The following MAGEA12 variants were observed in gnomAD, a reference collection of about 807,000 sequenced individuals.
MAGEA12 encodes the protein MAGE family member A12.
For synonymous variants in MAGEA12, 135 were observed against 104.7 expected (o/e 1.29, Z -1.77); for missense variants, 235 against 240.1 (o/e 0.98, Z 0.14).
At chrX:152,735,956 A>G in intron 2 of MAGEA12, 131 bp from the exon 3 acceptor site, 1 of 452,518 alleles carries the variant, frequency 2.2e-6, no homozygotes, top group African/African-American at 2.4e-5. Flanking sequence ...AATGCACACC[A>G]AGGGCCGCAC....
chrX:152,737,651 A>G lies in MAGEA12; in HGVS notation c.*545A>G, dbSNP rs1932360102. The G allele has an allele frequency of 5.1e-6, 1 of 197,394 alleles. No homozygotes were observed. The highest frequency in any genetic ancestry group is 2.0e-3 in the Middle Eastern group (1 of 503). 16.3% of individuals were successfully genotyped at this position (197,394 alleles called of 1,213,427 possible). ...TGGCTTCTTTGAGAATTTAAGAGAAATTAAATCTGAATAAATAATTCTTCC... is the reference window on the plus strand; with the variant it reads ...TGGCTTCTTTGAGAATTTAAGAGAAGTTAAATCTGAATAAATAATTCTTCC... On this transcript the variant is annotated 3_prime_UTR_variant, in exon 3 of 3. Coordinates refer to ENST00000393869, the MANE Select transcript of MAGEA12 (RefSeq NM_001166387.4).
At chrX:152,735,099 A>G (rs1556226644) in intron 1 of MAGEA12, 49 bp from the exon 2 acceptor site, 1 of 112,273 alleles carries the variant, frequency 8.9e-6, no homozygotes, top group African/African-American at 3.2e-5. Flanking sequence ...GCCCTGGACA[A>G]CCTACCTGGG....
Position 152,737,530 on chromosome X carries a change from T to G in MAGEA12, c.*424T>G. ...AGAATTAGCAGTAAAATACATGAGA[T>G]AAAGACCTCAAGAAGTTAAAAGATA... On this transcript the variant is annotated 3_prime_UTR_variant, in exon 3 of 3. Transcript: ENST00000393869. 4.1e-6 allele frequency: 1 copy of G among 246,016 alleles called. No individual in the cohort carries two copies. Among genetic ancestry groups the G allele is most frequent in the Non-Finnish European group, 7.9e-6 (1 of 126,685 alleles). The allele number at this position is 246,016 out of a possible 1,213,427, so 20.3% of individuals were successfully genotyped here. A position where few individuals can be genotyped will look rare whatever the true frequency, so the allele number is the denominator to read the frequency against.
At chrX:152,734,338 C>G (rs1377996027) in intron 1 of MAGEA12, among the ~76,000 whole-genome samples, 1 of 111,555 alleles carries the variant, frequency 9.0e-6, no homozygotes, top group Non-Finnish European at 1.9e-5. Flanking sequence ...CACGCGGATC[C>G]TGACGTTCAC....
intron 2 of MAGEA12, among the ~76,000 whole-genome samples, chrX:152,735,490 G>C (rs1193507497): frequency 3.4e-4 from 38 of 111,940 alleles, no homozygotes; most frequent in African/African-American, 1.2e-3. Flanking sequence ...TAGTGGTGAG[G>C]ACCAAGCAGG....
At position 152,736,797 on chromosome X, in the gene MAGEA12, G is replaced by A. The variant is rs782604973; in HGVS notation, c.636G>A (p.Glu212=). 2.5e-6 allele frequency: 3 copies of A among 1,211,960 alleles called. No homozygotes were observed. The East Asian group carries it at 8.9e-5, about 36-fold the overall frequency. Residue 212 remains glutamate, a synonymous_variant, in exon 3 of 3, where the codon GAG becomes GAA. Coordinates refer to ENST00000393869, the MANE Select transcript of MAGEA12 (RefSeq NM_001166387.4). ...TCGTCCTGGCCATAATCGCAAAAGA[G>A]GGCGACTGTGCCCCTGAGGAGAAAA... ...LIIVLAIIAK[E]GDCAPEEKIW... is the part of the protein sequence containing the mutation.
chrX:152,734,744 G>C (rs1414434246), intron 1 of MAGEA12, among the ~76,000 whole-genome samples: 1 of 112,138 alleles, frequency 8.9e-6, no homozygotes, highest in African/African-American at 3.2e-5. Context: ...TGGCACTTCA[G>C]GTCAGCAGAG....
At chrX:152,734,474 G>T (rs1327015096) in intron 1 of MAGEA12, among the ~76,000 whole-genome samples, 1 of 111,095 alleles carries the variant, frequency 9.0e-6, no homozygotes, top group African/African-American at 3.3e-5. Context: ...CAGGACAGGG[G>T]CCCAAAGTAC....
chrX:152,736,592 A>G lies in MAGEA12; in HGVS notation c.431A>G (p.Gln144Arg), dbSNP rs782423197. ...EMLGSVIRNF[Q>R]DFFPVIFSKA... ...CTGGGGAGTGTCATCAGAAATTTCC[A>G]GGACTTCTTTCCTGTGATCTTCAGC... Residue 144 changes from glutamine to arginine, a missense_variant, in exon 3 of 3, where the codon CAG (glutamine) becomes CGG (arginine). Transcript: ENST00000393869. 238 of 1,209,965 alleles carry G rather than the reference A, an allele frequency of 2.0e-4. No homozygotes were observed. Among genetic ancestry groups the G allele is most frequent in the Non-Finnish European group, 2.4e-4 (215 of 895,280 alleles).
chrX:152,737,095 G>T lies in MAGEA12; in HGVS notation c.934G>T (p.Gly312Trp). ...PPLHEWAFRE[G>W]EE ...CCTGCATGAATGGGCTTTTAGAGAG[G>T]GGGAAGAGTGAGTCTGAGCACGAGT... Residue 312 changes from glycine to tryptophan, a missense_variant, in exon 3 of 3, where the codon GGG becomes TGG. By Grantham distance (184) the Gly-to-Trp change is radical. Coordinates refer to ENST00000393869, the MANE Select transcript of MAGEA12 (RefSeq NM_001166387.4). 1.1e-5 allele frequency: 13 copies of T among 1,210,824 alleles called. No homozygotes were observed. Among genetic ancestry groups the T allele is most frequent in the Non-Finnish European group, 1.3e-5 (12 of 894,689 alleles).
Position 152,737,425 on chromosome X carries a change from T to C in MAGEA12, c.*319T>C, listed in dbSNP as rs782214513. On this transcript the variant is annotated 3_prime_UTR_variant, in exon 3 of 3. Transcript: ENST00000393869. The stretch of plus-strand genomic sequence containing the variant: ...TTAGGAGTAAGAGTGTTGTTTTTTA[T>C]TCAGATTGGGAAATCCATTCCATTT... 5.9e-5 allele frequency: 23 copies of C among 387,919 alleles called. No individual in the cohort carries two copies. Among genetic ancestry groups the C allele is most frequent in the Admixed American group, 2.8e-4 (9 of 32,386 alleles). 32.0% of individuals were successfully genotyped at this position (387,919 alleles called of 1,213,427 possible).
rs1556225776 is a variant in MAGEA12, at chrX:152,736,719, C to T, written c.558C>T (p.Tyr186=). ...TTGTCACCTGCCTGGGCCTCTCCTA[C>T]GATGGCCTGCTGGGCGACAATCAGA... The part of the protein sequence containing the change: ...YILVTCLGLS[Y]DGLLGDNQIV... Residue 186 remains tyrosine (Y), a synonymous_variant, in exon 3 of 3, where the codon TAC becomes TAT. Coordinates refer to ENST00000393869, the MANE Select transcript of MAGEA12 (RefSeq NM_001166387.4). 9 of 1,211,978 alleles carry T rather than the reference C, an allele frequency of 7.4e-6. No individual in the cohort carries two copies. Among genetic ancestry groups the T allele is most frequent in the East Asian group, 3.0e-5 (1 of 33,829 alleles).
At chrX:152,734,535 A>G (rs1556226806) in intron 1 of MAGEA12, among the ~76,000 whole-genome samples, 2 of 111,350 alleles carry the variant, frequency 1.8e-5, no homozygotes, top group Non-Finnish European at 3.8e-5. Flanking sequence ...AATCCTAGGG[A>G]TACAGACCCA....
At position 152,737,170 on chromosome X, in the gene MAGEA12, C is replaced by T. The variant is rs782126634; in HGVS notation, c.*64C>T. 29 of 1,077,096 alleles carry T rather than the reference C, an allele frequency of 2.7e-5. No individual in the cohort carries two copies. The Middle Eastern group carries it at 1.3e-3, about 47-fold the overall frequency. 88.8% of individuals were successfully genotyped at this position (1,077,096 alleles called of 1,213,427 possible). ...GTCTGGGCCAGTGCACCTTCCAAGG[C>T]CCCATCCATTAGTTTCCACTGCCTC... On this transcript the variant is annotated 3_prime_UTR_variant, in exon 3 of 3. Coordinates refer to ENST00000393869, the MANE Select transcript of MAGEA12 (RefSeq NM_001166387.4).
intron 2 of MAGEA12, among the ~76,000 whole-genome samples, chrX:152,735,528 A>G (rs1359701786): frequency 1.8e-4 from 20 of 112,210 alleles, no homozygotes; most frequent in African/African-American, 5.8e-4. Flanking sequence ...CTGGACTCCA[A>G]TGAATTTGGA....
chrX:152,736,372 C>G lies in MAGEA12; in HGVS notation c.211C>G (p.Leu71Val). 1 of 1,211,464 alleles carries G rather than the reference C, an allele frequency of 8.3e-7. No individual in the cohort carries two copies. The highest frequency in any genetic ancestry group is 1.7e-5 in the African/African-American group (1 of 57,729). Reference protein sequence around the residue: ...PPHSPQGASTLPTTINYTLWS... With the variant: ...PPHSPQGASTVPTTINYTLWS... Reference sequence around the variant, plus strand: ...CCACAGTCCTCAGGGAGCCTCCACCCTCCCCACTACCATCAACTATACTCT... The same window carrying G: ...CCACAGTCCTCAGGGAGCCTCCACCGTCCCCACTACCATCAACTATACTCT... Residue 71 changes from leucine to valine, a missense_variant, in exon 3 of 3, where the codon CTC (leucine) becomes GTC (valine). Transcript: ENST00000393869.
In MAGEA12 at chrX:152,736,584, A is replaced by C. The variant is rs782815991; in HGVS notation, c.423A>C (p.Arg141Ser). 3.3e-6 allele frequency: 4 copies of C among 1,211,888 alleles called. No homozygotes were observed. In the Middle Eastern group the frequency reaches 9.2e-4, roughly 278 times the overall value. Reference protein sequence around the residue: ...TKAEMLGSVIRNFQDFFPVIF... With the variant: ...TKAEMLGSVISNFQDFFPVIF... The stretch of plus-strand genomic sequence containing the variant: ...CAGAAATGCTGGGGAGTGTCATCAG[A>C]AATTTCCAGGACTTCTTTCCTGTGA... Residue 141 changes from arginine to serine, a missense_variant, in exon 3 of 3, where the codon AGA (arginine) becomes AGC (serine). Physicochemically the swap from Arg to Ser is moderately radical, Grantham distance 110. Coordinates refer to ENST00000393869, the MANE Select transcript of MAGEA12 (RefSeq NM_001166387.4).
At position 152,737,195 on chromosome X, in the gene MAGEA12, C is replaced by T. The variant is rs1207672918; in HGVS notation, c.*89C>T. 1.2e-5 allele frequency: 11 copies of T among 921,046 alleles called. No individual in the cohort carries two copies. Among genetic ancestry groups the T allele is most frequent in the Admixed American group, 2.3e-5 (1 of 43,228 alleles). The allele number at this position is 921,046 out of a possible 1,213,427, so 75.9% of individuals were successfully genotyped here. A position where few individuals can be genotyped will look rare whatever the true frequency, so the allele number is the denominator to read the frequency against. ...CCCCATCCATTAGTTTCCACTGCCT[C>T]GTGTGACATGAGGCCCATTCTTCAC... On this transcript the variant is annotated 3_prime_UTR_variant, in exon 3 of 3. Transcript: ENST00000393869.
In MAGEA12 at chrX:152,736,385, T is replaced by C. The variant is rs1556225957; in HGVS notation, c.224T>C (p.Ile75Thr). The C allele has an allele frequency of 7.4e-6, 9 of 1,210,797 alleles. No individual in the cohort carries two copies. The highest frequency in any genetic ancestry group is 1.0e-5 in the Non-Finnish European group (9 of 895,140). Reference protein sequence around the residue: ...PQGASTLPTTINYTLWSQSDE... With the variant: ...PQGASTLPTTTNYTLWSQSDE... ...GGAGCCTCCACCCTCCCCACTACCA[T>C]CAACTATACTCTCTGGAGTCAATCC... is the stretch of plus-strand genomic sequence containing the variant. The change falls in exon 3 of 3, where the codon ATC (isoleucine) becomes ACC (threonine). Residue 75 changes from isoleucine (I) to threonine (T), a missense_variant. By Grantham distance (89) the Ile-to-Thr change is moderately conservative (BLOSUM62 -1). Transcript: ENST00000393869.
Sources: gnomAD v4.1 joint callset for allele counts (sites outside exome capture counted in the v4.1 genomes callset) on GRCh38, gnomAD v4.1.1 for gene constraint, MANE v1.5 for transcripts, NCBI Gene and HGNC (gene_info 2026-07-23, HGNC 2026-07-21) for gene names.